Variants in GPR176 observed in about 807,000 individuals in gnomAD.
The protein encoded by GPR176 is G-protein coupled receptor 176.
GPR176 carries 26 observed loss-of-function variants against 35.4 expected under a neutral mutation model. That is an observed-to-expected ratio of 0.74 (90% CI 0.54 to 1.02). GPR176 has a LOEUF of 1.02. GPR176 is among the 50% of genes least tolerant of loss of function. The pLI is 0.00. For missense variants in GPR176, 597 were observed against 665.3 expected, an observed-to-expected ratio of 0.90 and a Z score of 1.13; for synonymous variants, 278 against 271.3, an observed-to-expected ratio of 1.02 and a Z score of -0.24.
At chr15:39,809,506 G>GT (rs896319381) in intron 1 of GPR176, among the ~76,000 whole-genome samples, 2 of 152,140 alleles carry the variant, frequency 1.3e-5, no homozygotes, top group Non-Finnish European at 2.9e-5. Context: ...GGCATACCAA[G>GT]TAAGGATAAC....
At chr15:39,909,344 G>C (rs1261620555) in intron 1 of GPR176, among the ~76,000 whole-genome samples, 1 of 152,186 alleles carries the variant, frequency 6.6e-6, no homozygotes, top group Admixed American at 6.5e-5. Context: ...CATGGTTTCT[G>C]CTCGAACAGT....
intron 1 of GPR176, among the ~76,000 whole-genome samples, chr15:39,829,663 G>A (rs971881966): frequency 5.9e-5 from 9 of 152,062 alleles, no homozygotes; most frequent in African/African-American, 2.2e-4. Flanking sequence ...CTGGTTATCT[G>A]TCTTTACAGT....
intron 1 of GPR176, chr15:39,862,328 C>T (rs2031632864): frequency 1.3e-5 from 2 of 152,154 alleles, no homozygotes; most frequent in African/African-American, 4.8e-5. Flanking sequence ...GATATCCTAC[C>T]TGATGAAATA....
chr15:39,858,344 C>T (rs1340142629), intron 1 of GPR176, among the ~76,000 whole-genome samples: 1 of 152,074 alleles, frequency 6.6e-6, no homozygotes, highest in Non-Finnish European at 1.5e-5. Flanking sequence ...ATCCCTGAGG[C>T]TTTGGCAGAA....
chr15:39,851,315 A>G (rs1477226758), intron 1 of GPR176, among the ~76,000 whole-genome samples: 1 of 152,206 alleles, frequency 6.6e-6, no homozygotes, highest in African/African-American at 2.4e-5. Flanking sequence ...ATAAGCCTAA[A>G]AAGTCCAAAA....
At chr15:39,809,822 A>C (rs1899426086) in intron 1 of GPR176, among the ~76,000 whole-genome samples, 1 of 152,198 alleles carries the variant, frequency 6.6e-6, no homozygotes, top group Admixed American at 6.5e-5. Flanking sequence ...TCATTCCTCA[A>C]GAAAAATAAC....
At chr15:39,842,273 A>AGGAGCAAGAGGAAGAGAGAGTGAAGTGG (rs1181946843) in intron 1 of GPR176, among the ~76,000 whole-genome samples, 1 of 151,968 alleles carries the variant, frequency 6.6e-6, no homozygotes. Context: ...TTTACAGGGT[A>AGGAGCAAGAGGAAGAGAGAGTGAAGTGG]GGAGCAAGAG....
At chr15:39,918,600 T>C (rs1386436085) in intron 1 of GPR176, among the ~76,000 whole-genome samples, 1 of 152,136 alleles carries the variant, frequency 6.6e-6, no homozygotes, top group Non-Finnish European at 1.5e-5. Context: ...CTAAAGTATT[T>C]TGAACATAGG....
chr15:39,867,287 A>C (rs997517268), intron 1 of GPR176, among the ~76,000 whole-genome samples: 1 of 152,126 alleles, frequency 6.6e-6, no homozygotes, highest in African/African-American at 2.4e-5. Context: ...TGCTGTGTCC[A>C]GTTTAAGGAC....
chr15:39,821,834 C>T (rs1348003002), intron 1 of GPR176, among the ~76,000 whole-genome samples: 1 of 152,216 alleles, frequency 6.6e-6, no homozygotes, highest in East Asian at 1.9e-4. Context: ...TTGTAAGCCC[C>T]TCTTCATCAG....
intron 1 of GPR176, among the ~76,000 whole-genome samples, chr15:39,873,680 A>G (rs937206308): frequency 6.6e-6 from 1 of 150,476 alleles, no homozygotes; most frequent in Non-Finnish European, 1.5e-5. Flanking sequence ...AAGGTGAAGT[A>G]GCTTCCTAGT....
chr15:39,890,399 T>TA (rs1388579230), intron 1 of GPR176, among the ~76,000 whole-genome samples: 1 of 152,306 alleles, frequency 6.6e-6, no homozygotes, highest in South Asian at 2.1e-4. Flanking sequence ...TGCCAAAAGT[T>TA]ACAGTTTATG....
At chr15:39,868,040 A>G (rs2031900325) in intron 1 of GPR176, among the ~76,000 whole-genome samples, 1 of 152,140 alleles carries the variant, frequency 6.6e-6, no homozygotes, top group Non-Finnish European at 1.5e-5. Flanking sequence ...TTAAGATAAT[A>G]AATGACATCT....
At chr15:39,822,150 T>C (rs1036650125) in intron 1 of GPR176, among the ~76,000 whole-genome samples, 2 of 152,240 alleles carry the variant, frequency 1.3e-5, no homozygotes, top group African/African-American at 4.8e-5. Context: ...GCCCCACTCA[T>C]GCCTTCAGGT....
At chr15:39,822,557 G>A (rs1324643692) in intron 1 of GPR176, among the ~76,000 whole-genome samples, 2 of 152,098 alleles carry the variant, frequency 1.3e-5, no homozygotes, top group Admixed American at 1.3e-4. Context: ...AGTAGTTACT[G>A]AGCAACCACA....
At chr15:39,811,908 T>G (rs989785815) in intron 1 of GPR176, among the ~76,000 whole-genome samples, 1 of 148,098 alleles carries the variant, frequency 6.8e-6, no homozygotes, top group Non-Finnish European at 1.5e-5. Flanking sequence ...AGAGCGAGAC[T>G]CCGTCTCAAA....
At chr15:39,866,104 A>G (rs1437658900) in intron 1 of GPR176, among the ~76,000 whole-genome samples, 1 of 152,158 alleles carries the variant, frequency 6.6e-6, no homozygotes, top group Non-Finnish European at 1.5e-5. Flanking sequence ...GTAGAAAAGA[A>G]TATATGGTAT....
At chr15:39,916,492 A>G (rs1236473049) in intron 1 of GPR176, among the ~76,000 whole-genome samples, 1 of 152,224 alleles carries the variant, frequency 6.6e-6, no homozygotes, top group Non-Finnish European at 1.5e-5. Flanking sequence ...CCAAGTTCTT[A>G]GGGATTTTTC....
intron 1 of GPR176, among the ~76,000 whole-genome samples, chr15:39,873,287 C>CGACTT: frequency 6.6e-6 from 1 of 152,096 alleles, no homozygotes; most frequent in South Asian, 2.1e-4. Flanking sequence ...GTTCTTAAGT[C>CGACTT]AAGTTTGACT....
Sources: gnomAD v4.1 joint callset for allele counts (sites outside exome capture counted in the v4.1 genomes callset) on GRCh38, gnomAD v4.1.1 for gene constraint, MANE v1.5 for transcripts, NCBI Gene and HGNC (gene_info 2026-07-23, HGNC 2026-07-21) for gene names.